The following KCNQ1OT1 variants were observed in gnomAD, a reference collection of about 807,000 sequenced individuals.
KCNQ1OT1 encodes KCNQ1 opposite strand/antisense transcript 1.
chr11:2,680,227 AG>A (rs1367370658), exon 1 of KCNQ1OT1: 33 of 382,460 alleles, frequency 8.6e-5, no homozygotes, highest in African/African-American at 7.0e-4. Context: ...AAAAAAAAAA[AG>A]TTGTCTATCT....
chr11:2,615,635 G>T, exon 1 of KCNQ1OT1: 1 of 397,998 alleles, frequency 2.5e-6, no homozygotes, highest in South Asian at 1.3e-4. Context: ...GAATTGAAAT[G>T]ATTGCATGGA....
Position 2,648,051 on chromosome 11 carries a change from C to CAA in KCNQ1OT1, n.51942_51943dup, listed in dbSNP as rs34011245. On this transcript the variant is annotated non_coding_transcript_exon_variant, in exon 1 of 1. Transcript: ENST00000597346. ...CAACATGGCAAACCCCCATCTCTAC[C>CAA]AAAAAAAAAAAAAAAAATTAGCGAG... The CAA allele has an allele frequency of 2.0e-3, 746 of 367,936 alleles. No homozygotes were observed. The highest frequency in any genetic ancestry group is 2.6e-3 in the South Asian group (16 of 6,186). 22.8% of individuals were successfully genotyped at this position (367,936 alleles called of 1,614,324 possible).
In KCNQ1OT1 at chr11:2,611,654, A is replaced by C. The variant is rs972630363; in HGVS notation, n.88341T>G. Reference sequence around the variant, plus strand: ...CCATATATATTTGGATCCTGCTTTTAAGGCAGTCTGGCAATCTCTGCTCTT... The same window carrying C: ...CCATATATATTTGGATCCTGCTTTTCAGGCAGTCTGGCAATCTCTGCTCTT... On this transcript the variant is annotated non_coding_transcript_exon_variant, in exon 1 of 1. Transcript: ENST00000597346. This position sits in a 1 kb window ranked among gnomAD's most constrained non-coding sequence, Gnocchi z 5.3. 32 of 398,484 alleles carry C rather than the reference A, an allele frequency of 8.0e-5. No homozygotes were observed. Among genetic ancestry groups the C allele is most frequent in the Middle Eastern group, 6.2e-4 (1 of 1,610 alleles). The allele number at this position is 398,484 out of a possible 1,614,324, so 24.7% of individuals were successfully genotyped here.
exon 1 of KCNQ1OT1, chr11:2,615,793 T>G (rs1440272972): frequency 2.5e-6 from 1 of 397,992 alleles, no homozygotes; most frequent in African/African-American, 2.1e-5. Flanking sequence ...ACTAGTACTT[T>G]GTTAAATAAA....
In KCNQ1OT1 at chr11:2,671,122, G is replaced by A. The variant is rs1590021652; in HGVS notation, n.28873C>T. The A allele has an allele frequency of 5.0e-6, 2 of 398,446 alleles. No individual in the cohort carries two copies. The highest frequency in any genetic ancestry group is 7.1e-5 in the East Asian group (2 of 28,056). The allele number at this position is 398,446 out of a possible 1,614,324, so 24.7% of individuals were successfully genotyped here. On this transcript the variant is annotated non_coding_transcript_exon_variant, in exon 1 of 1. Coordinates refer to ENST00000597346, the Ensembl canonical transcript of KCNQ1OT1. This position sits in a 1 kb window ranked among gnomAD's most constrained non-coding sequence, Gnocchi z 4.7. ...TTAGTCTGAGCAGTTAGTCTGTCAG[G>A]CCTGGTTGGTCCCATGGGAGGCCTG...
At chr11:2,675,840 T>A in exon 1 of KCNQ1OT1, 1 of 398,730 alleles carries the variant, frequency 2.5e-6, no homozygotes, top group Non-Finnish European at 4.4e-6. Context: ...CTACCGTGCA[T>A]CCACTGCCTG....
rs1172664093 is a variant in KCNQ1OT1, at chr11:2,691,981, T to G, written n.8014A>C. ...AGTGCCTTTCTCTATGCAAACCATT[T>G]CCCTAAGCTGTTCCCTCAGCACCAA... On this transcript the variant is annotated non_coding_transcript_exon_variant, in exon 1 of 1. Transcript: ENST00000597346. This position sits in a 1 kb window ranked among gnomAD's most constrained non-coding sequence, Gnocchi z 6.4. The G allele has an allele frequency of 5.0e-6, 2 of 398,434 alleles. No homozygotes were observed. Among genetic ancestry groups the G allele is most frequent in the Non-Finnish European group, 8.8e-6 (2 of 226,072 alleles). 24.7% of individuals were successfully genotyped at this position (398,434 alleles called of 1,614,324 possible).
chr11:2,618,810 A>C (rs1589984851), exon 1 of KCNQ1OT1: 4 of 398,236 alleles, frequency 1.0e-5, no homozygotes, highest in Non-Finnish European at 8.9e-6. Context: ...CAGATTCATG[A>C]GCATGGGATA....
chr11:2,660,829 C>A (rs1213314505), exon 1 of KCNQ1OT1: 1 of 398,428 alleles, frequency 2.5e-6, no homozygotes, highest in Non-Finnish European at 4.4e-6. Flanking sequence ...AAGGACACAC[C>A]CTCTCACCCT....
In KCNQ1OT1 at chr11:2,658,811, T is replaced by G. The variant is rs1849898559; in HGVS notation, n.41184A>C. ...TCATCCTTGCCCCCTCCCCCACAAC[T>G]TATTTATAGCTTTTTCTCTGACAGC... is the stretch of plus-strand genomic sequence containing the variant. On this transcript the variant is annotated non_coding_transcript_exon_variant, in exon 1 of 1. Transcript: ENST00000597346. The surrounding 1 kb of genome is among the most constrained non-coding windows in gnomAD (Gnocchi z 4.9). The G allele has an allele frequency of 2.5e-6, 1 of 398,488 alleles. No homozygotes were observed. The allele number at this position is 398,488 out of a possible 1,614,324, so 24.7% of individuals were successfully genotyped here. A position where few individuals can be genotyped will look rare whatever the true frequency, so the allele number is the denominator to read the frequency against.
In KCNQ1OT1 at chr11:2,664,406, G is replaced by A; in HGVS notation, n.35589C>T. ...TCCAGAGAGGCCTGAAGGGGAGAGT[G>A]GGCACGTACAGTGTCAGGGCCTAGG... On this transcript the variant is annotated non_coding_transcript_exon_variant, in exon 1 of 1. Transcript: ENST00000597346. The surrounding 1 kb of genome is among the most constrained non-coding windows in gnomAD (Gnocchi z 5.1). 2.5e-6 allele frequency: 1 copy of A among 398,668 alleles called. No homozygotes were observed. The highest frequency in any genetic ancestry group is 4.4e-6 in the Non-Finnish European group (1 of 226,110). The allele number at this position is 398,668 out of a possible 1,614,324, so 24.7% of individuals were successfully genotyped here. A position where few individuals can be genotyped will look rare whatever the true frequency, so the allele number is the denominator to read the frequency against.
exon 1 of KCNQ1OT1, chr11:2,662,396 CAA>C (rs927653065): frequency 2.0e-6 from 1 of 505,448 alleles, no homozygotes; most frequent in Non-Finnish European, 3.5e-6. Context: ...CCCTGCCCCC[CAA>C]AAAAGAGACG....
chr11:2,660,823 A>G (rs1849941093), exon 1 of KCNQ1OT1: 1 of 398,592 alleles, frequency 2.5e-6, no homozygotes, highest in African/African-American at 2.1e-5. Flanking sequence ...ATTACTAAGG[A>G]CACACCCTCT....
Position 2,657,202 on chromosome 11 carries a change from C to CT in KCNQ1OT1, n.42792dup, listed in dbSNP as rs1849865465. The CT allele has an allele frequency of 2.5e-6, 1 of 398,634 alleles. No individual in the cohort carries two copies. The highest frequency in any genetic ancestry group is 2.1e-5 in the African/African-American group (1 of 48,750). The allele number at this position is 398,634 out of a possible 1,614,324, so 24.7% of individuals were successfully genotyped here. Reference sequence around the variant, plus strand: ...CTTCAAGAATATTGCCAATTCTTGGCTTTTTGCACTTCCAAGTCGCAGTTA... The same window carrying CT: ...CTTCAAGAATATTGCCAATTCTTGGCTTTTTTGCACTTCCAAGTCGCAGTTA... On this transcript the variant is annotated non_coding_transcript_exon_variant, in exon 1 of 1. Transcript: ENST00000597346. The surrounding 1 kb of genome is among the most constrained non-coding windows in gnomAD (Gnocchi z 4.8).
chr11:2,640,185 C>T (rs1167287027), exon 1 of KCNQ1OT1: 2 of 389,416 alleles, frequency 5.1e-6, no homozygotes, highest in Non-Finnish European at 9.1e-6. Context: ...CCTACTTCGT[C>T]TCACACTCAG....
In KCNQ1OT1 at chr11:2,687,929, C is replaced by T. The variant is rs572663324; in HGVS notation, n.12066G>A. 3.0e-5 allele frequency: 12 copies of T among 398,776 alleles called. No homozygotes were observed. Among genetic ancestry groups the T allele is most frequent in the Admixed American group, 1.8e-4 (4 of 22,746 alleles). 24.7% of individuals were successfully genotyped at this position (398,776 alleles called of 1,614,324 possible). The stretch of plus-strand genomic sequence containing the variant: ...AAAATCCCCAGCAGTTGTGAGGCTG[C>T]ACTTCTCCCACCCGCTGTGGGTCAG... On this transcript the variant is annotated non_coding_transcript_exon_variant, in exon 1 of 1. Coordinates refer to ENST00000597346, the Ensembl canonical transcript of KCNQ1OT1. The surrounding 1 kb of genome is among the most constrained non-coding windows in gnomAD (Gnocchi z 5.0).
Position 2,621,224 on chromosome 11 carries a change from C to T in KCNQ1OT1, n.78771G>A, listed in dbSNP as rs1230343557. ...AATACCTGACCCCAGATGATCCACGCACCTCAGCCTCCCAAAGTGCTAGGA... is the reference window on the plus strand; with the variant it reads ...AATACCTGACCCCAGATGATCCACGTACCTCAGCCTCCCAAAGTGCTAGGA... On this transcript the variant is annotated non_coding_transcript_exon_variant, in exon 1 of 1. Coordinates refer to ENST00000597346, the Ensembl canonical transcript of KCNQ1OT1. The surrounding 1 kb of genome is among the most constrained non-coding windows in gnomAD (Gnocchi z 5.7). The T allele has an allele frequency of 2.5e-6, 1 of 397,892 alleles. No individual in the cohort carries two copies. 24.6% of individuals were successfully genotyped at this position (397,892 alleles called of 1,614,324 possible). A position where few individuals can be genotyped will look rare whatever the true frequency, so the allele number is the denominator to read the frequency against.
chr11:2,676,329 G>T lies in KCNQ1OT1; in HGVS notation n.23666C>A. On this transcript the variant is annotated non_coding_transcript_exon_variant, in exon 1 of 1. Coordinates refer to ENST00000597346, the Ensembl canonical transcript of KCNQ1OT1. The surrounding 1 kb of genome is among the most constrained non-coding windows in gnomAD (Gnocchi z 4.2). ...ACAGGTGATGGCTCTGAACAGTGTA[G>T]TTGAAGTGCTGTTTTCTCATGGTTG... 1 of 398,672 alleles carries T rather than the reference G, an allele frequency of 2.5e-6. No homozygotes were observed. Among genetic ancestry groups the T allele is most frequent in the Non-Finnish European group, 4.4e-6 (1 of 226,080 alleles). 24.7% of individuals were successfully genotyped at this position (398,672 alleles called of 1,614,324 possible).
chr11:2,615,815 T>C, exon 1 of KCNQ1OT1: 1 of 398,110 alleles, frequency 2.5e-6, no homozygotes, highest in Non-Finnish European at 4.4e-6. Context: ...GATTTTAGTA[T>C]CTAGTTTGTC....
Sources: allele counts gnomAD v4.1 joint callset, GRCh38; gene constraint gnomAD v4.1.1; non-coding constraint Gnocchi (gnomAD v3.1); transcripts MANE v1.5; gene names NCBI Gene and HGNC (gene_info 2026-07-23, HGNC 2026-07-21).